HS2ST1: variants seen among roughly 807,000 people sequenced by gnomAD.
HS2ST1 encodes heparan sulfate 2-O-sulfotransferase 1, also known as 2-O-sulfotransferase.
A neutral mutation model predicts 42.9 loss-of-function variants in HS2ST1; 18 were observed. The ratio of observed to expected loss-of-function variants is 0.42; its 90% CI spans 0.29 to 0.62. The LOEUF is 0.62. HS2ST1 is among the 20% of genes least tolerant of loss of function. HS2ST1 has a pLI of 0.21. For synonymous variants in HS2ST1, 146 were observed against 152.9 expected, an observed-to-expected ratio of 0.95 and a Z score of 0.33; for missense variants, 334 against 433.8, an observed-to-expected ratio of 0.77 and a Z score of 2.04.
At chr1:86,957,622 T>A (rs1377470079) in intron 1 of HS2ST1, among the ~76,000 whole-genome samples, 1 of 152,178 alleles carries the variant, frequency 6.6e-6, no homozygotes, top group Non-Finnish European at 1.5e-5. Context: ...CCAGATCTTT[T>A]ATTTATTCAT....
intron 1 of HS2ST1, among the ~76,000 whole-genome samples, chr1:87,040,130 T>A (rs1202253573): frequency 6.6e-6 from 1 of 152,196 alleles, no homozygotes; most frequent in Non-Finnish European, 1.5e-5. Flanking sequence ...AGGCAAATGC[T>A]TGAAAAGCAT....
intron 1 of HS2ST1, among the ~76,000 whole-genome samples, chr1:86,972,970 T>C (rs917105608): frequency 6.6e-6 from 1 of 152,240 alleles, no homozygotes; most frequent in Admixed American, 6.5e-5. Context: ...GCCAGAGTTA[T>C]GCATATTTGA....
At chr1:87,015,519 T>G (rs1269794841) in intron 1 of HS2ST1, among the ~76,000 whole-genome samples, 3 of 151,622 alleles carry the variant, frequency 2.0e-5, no homozygotes, top group Non-Finnish European at 4.4e-5. Context: ...TAATTTTTCG[T>G]ATTTTTAGTG....
At chr1:87,024,987 G>T (rs906127393) in intron 1 of HS2ST1, among the ~76,000 whole-genome samples, 31 of 152,052 alleles carry the variant, frequency 2.0e-4, no homozygotes, top group African/African-American at 7.5e-4. Context: ...ATTATCTAAG[G>T]TCGACTACCA....
chr1:87,053,421 T>C (rs1330681658), intron 1 of HS2ST1, among the ~76,000 whole-genome samples: 37 of 152,218 alleles, frequency 2.4e-4, no homozygotes, highest in Admixed American at 2.4e-3. Flanking sequence ...TTAGCTGAAT[T>C]ACAAAGCTTA....
chr1:87,028,369 G>A (rs1650141462), intron 1 of HS2ST1, among the ~76,000 whole-genome samples: 1 of 152,150 alleles, frequency 6.6e-6, no homozygotes, highest in African/African-American at 2.4e-5. Flanking sequence ...TTTTTACTTA[G>A]TTTTCAAAAG....
chr1:87,009,902 G>C (rs551337409), intron 1 of HS2ST1, among the ~76,000 whole-genome samples: 83 of 152,180 alleles, frequency 5.5e-4, no homozygotes, highest in African/African-American at 2.0e-3. Flanking sequence ...GGGCCTGGTG[G>C]CGGGCACCTG....
chr1:86,963,588 CTA>C (rs1647923159), intron 1 of HS2ST1, among the ~76,000 whole-genome samples: 1 of 152,214 alleles, frequency 6.6e-6, no homozygotes, highest in African/African-American at 2.4e-5. Flanking sequence ...TCTGATTTCT[CTA>C]TCTTTTCCCC....
chr1:87,077,966 A>G (rs1651586621), intron 2 of HS2ST1, among the ~76,000 whole-genome samples: 2 of 152,110 alleles, frequency 1.3e-5, no homozygotes, highest in South Asian at 4.1e-4. Context: ...CTTTTCTTAT[A>G]TTTTTATCCA....
At chr1:87,097,800 A>G (rs780920749) in intron 4 of HS2ST1, 38 bp from the exon 5 acceptor site, 1 of 1,612,240 alleles carries the variant, frequency 6.2e-7, no homozygotes, top group Non-Finnish European at 8.5e-7. Context: ...TGAGACTTGG[A>G]TTTATGGCTT....
At chr1:87,032,417 A>G (rs1251161817) in intron 1 of HS2ST1, among the ~76,000 whole-genome samples, 1 of 152,022 alleles carries the variant, frequency 6.6e-6, no homozygotes, top group Non-Finnish European at 1.5e-5. Context: ...CGAAAAAGAG[A>G]CCTGAATATT....
At chr1:87,015,324 G>T (rs1649719938) in intron 1 of HS2ST1, among the ~76,000 whole-genome samples, 1 of 150,712 alleles carries the variant, frequency 6.6e-6, no homozygotes, top group Admixed American at 6.6e-5. Flanking sequence ...GGGATTACAG[G>T]CGTGAACCAA....
intron 1 of HS2ST1, among the ~76,000 whole-genome samples, chr1:86,992,778 C>G (rs1361037296): frequency 6.6e-6 from 1 of 152,154 alleles, no homozygotes; most frequent in East Asian, 1.9e-4. Context: ...CAAAACCGTA[C>G]AAATTTAGTT....
At chr1:86,960,952 A>G (rs1292246039) in intron 1 of HS2ST1, among the ~76,000 whole-genome samples, 1 of 152,190 alleles carries the variant, frequency 6.6e-6, no homozygotes, top group Non-Finnish European at 1.5e-5. Context: ...TTAAGTCCAC[A>G]TAAAAATCTG....
chr1:87,092,178 G>GTA (rs1195067007), intron 3 of HS2ST1, among the ~76,000 whole-genome samples: 2 of 151,954 alleles, frequency 1.3e-5, no homozygotes, highest in Non-Finnish European at 2.9e-5. Flanking sequence ...TAATATGTGG[G>GTA]TACTAATTTG....
intron 1 of HS2ST1, among the ~76,000 whole-genome samples, chr1:86,916,598 C>CA (rs1255640359): frequency 6.6e-6 from 1 of 152,098 alleles, no homozygotes; most frequent in Non-Finnish European, 1.5e-5. Context: ...AAGAGATACT[C>CA]AGTTTATTTA....
intron 2 of HS2ST1, among the ~76,000 whole-genome samples, chr1:87,079,992 G>A (rs1651644691): frequency 6.6e-6 from 1 of 152,098 alleles, no homozygotes; most frequent in South Asian, 2.1e-4. Context: ...AGGTTACAGT[G>A]AGTTATGATC....
At chr1:87,042,199 C>G (rs1399956336) in intron 1 of HS2ST1, among the ~76,000 whole-genome samples, 1 of 152,012 alleles carries the variant, frequency 6.6e-6, no homozygotes, top group Non-Finnish European at 1.5e-5. Context: ...TGAGTTATAG[C>G]AGTTTCTTAT....
At chr1:86,970,366 G>GA (rs1364494557) in intron 1 of HS2ST1, among the ~76,000 whole-genome samples, 5 of 152,192 alleles carry the variant, frequency 3.3e-5, no homozygotes, top group Admixed American at 3.3e-4. Flanking sequence ...TCTGCTTAAT[G>GA]AAATATAAAT....
Sources: allele counts gnomAD v4.1 joint callset (sites outside exome capture counted in the v4.1 genomes callset), GRCh38; gene constraint gnomAD v4.1.1; transcripts MANE v1.5; gene names NCBI Gene and HGNC (gene_info 2026-07-23, HGNC 2026-07-21).